Variants in TTYH3 observed in about 807,000 individuals in gnomAD.
TTYH3 encodes the protein protein tweety homolog 3.
In TTYH3, 23 loss-of-function variants were observed where a neutral mutation model predicts 68.2. That is an observed-to-expected ratio of 0.34 (90% CI 0.24 to 0.48). The LOEUF (loss-of-function observed/expected upper bound fraction) is 0.48, where lower values mean the gene tolerates loss of function less well. Among genes scored for constraint, TTYH3 ranks in the 20% least tolerant of loss-of-function variants. The probability of loss-of-function intolerance (pLI) is 0.99; values close to 1 mark genes in which losing one functional copy is unlikely to be tolerated. For synonymous variants in TTYH3, 360 were observed against 332.8 expected, an observed-to-expected ratio of 1.08 and a Z score of -0.89; for missense variants, 768 against 727.7, an observed-to-expected ratio of 1.06 and a Z score of -0.64.
intron 4 of TTYH3, 86 bp downstream of exon 4, chr7:2,647,724 A>C (rs998899710): frequency 1.5e-6 from 2 of 1,365,228 alleles, no homozygotes; most frequent in Admixed American, 2.1e-5. Context: ...CACCTAGTAC[A>C]TGAGGCCTGA....
chr7:2,647,459 C>T lies in TTYH3; in HGVS notation c.447C>T (p.Pro149=), dbSNP rs1431159639. 4 of 1,531,894 alleles carry T rather than the reference C, an allele frequency of 2.6e-6. No individual in the cohort carries two copies. The highest frequency in any genetic ancestry group is 3.5e-6 in the Non-Finnish European group (4 of 1,143,330). The allele number at this position is 1,531,894 out of a possible 1,614,324, so 94.9% of individuals were successfully genotyped here. The change falls in exon 4 of 14, where the codon CCC becomes CCT. Residue 149 remains proline (P), a synonymous_variant. Transcript: ENST00000258796. Reference sequence around the variant, plus strand: ...TGGGGCTGAACCACACGGCGGAGCCCAGCCTGCAGACCCTGGAGCGGCAGC... The same window carrying T: ...TGGGGCTGAACCACACGGCGGAGCCTAGCCTGCAGACCCTGGAGCGGCAGC... The part of the protein sequence containing the change: ...TAVGLNHTAE[P]SLQTLERQLA...
Position 2,632,142 on chromosome 7 carries a change from G to A in TTYH3, c.-14G>A, listed in dbSNP as rs1785538159. On this transcript the variant is annotated 5_prime_UTR_variant, in exon 1 of 14. Coordinates refer to ENST00000258796, the MANE Select transcript of TTYH3 (RefSeq NM_025250.3). ...GCGCAGGCCGCGCGCATCCGGAGGC[G>A]GCCGGGCCCCGCCATGGCCGGGGTC... 5 of 1,407,588 alleles carry A rather than the reference G, an allele frequency of 3.6e-6. No individual in the cohort carries two copies. The highest frequency in any genetic ancestry group is 4.7e-6 in the Non-Finnish European group (5 of 1,069,798). 87.2% of individuals were successfully genotyped at this position (1,407,588 alleles called of 1,614,324 possible). A position where few individuals can be genotyped will look rare whatever the true frequency, so the allele number is the denominator to read the frequency against.
Position 2,661,845 on chromosome 7 carries a change from C to A in TTYH3, c.*106C>A. ...CCGGACCCTCGCACGCCGTGCCAGG[C>A]CTGCCCCAGACGCGTCTGCAGGCCG... On this transcript the variant is annotated 3_prime_UTR_variant, in exon 14 of 14. Transcript: ENST00000258796. 7.9e-7 allele frequency: 1 copy of A among 1,271,040 alleles called. No homozygotes were observed. The highest frequency in any genetic ancestry group is 1.1e-6 in the Non-Finnish European group (1 of 908,448). The allele number at this position is 1,271,040 out of a possible 1,614,324, so 78.7% of individuals were successfully genotyped here. A position where few individuals can be genotyped will look rare whatever the true frequency, so the allele number is the denominator to read the frequency against.
intron 13 of TTYH3, chr7:2,659,807 C>T (rs1312988674): frequency 8.6e-7 from 1 of 1,167,726 alleles, no homozygotes; most frequent in Non-Finnish European, 1.1e-6. Flanking sequence ...AGGTGCAGGC[C>T]CAGTCCCGCT....
chr7:2,639,732 G>C (rs755492102), intron 1 of TTYH3, among the ~76,000 whole-genome samples: 1 of 152,188 alleles, frequency 6.6e-6, no homozygotes, highest in African/African-American at 2.4e-5. Flanking sequence ...GTCACATGCC[G>C]GCACCTCTGG....
At chr7:2,640,899 G>A (rs556321601) in intron 1 of TTYH3, among the ~76,000 whole-genome samples, 15 of 152,362 alleles carry the variant, frequency 9.8e-5, no homozygotes, top group African/African-American at 2.4e-4. Flanking sequence ...TGGGGGTCTC[G>A]CCTTACAAGT....
At position 2,658,385 on chromosome 7, in the gene TTYH3, C is replaced by T. The variant is rs1293246709; in HGVS notation, c.1350C>T (p.Gly450=). 1.2e-6 allele frequency: 2 copies of T among 1,611,980 alleles called. No homozygotes were observed. Among genetic ancestry groups the T allele is most frequent in the African/African-American group, 2.7e-5 (2 of 74,940 alleles). ...ACATGCCCAGCCTGTACAGCTGTGG[C>T]AGCAGCTACGGCAGTGAGACCAGCA... ...RVHMPSLYSC[G]SSYGSETSIP... The change falls in exon 12 of 14, where the codon GGC becomes GGT. Residue 450 remains glycine, a synonymous_variant. Transcript: ENST00000258796.
Position 2,646,985 on chromosome 7 carries a change from A to ACGGCCTGGTGTGTCAT in TTYH3, c.258_273dup (p.Ile92GlyfsTer27), listed in dbSNP as rs1471131303. On this transcript the variant is annotated frameshift_variant, in exon 2 of 14. Coordinates refer to ENST00000258796, the MANE Select transcript of TTYH3 (RefSeq NM_025250.3). LOFTEE classifies it high-confidence loss of function. ...GCACCTGGACGCCGACTGCTGCTGC[A>ACGGCCTGGTGTGTCAT]CGGCCTGGTGTGTCATCATCGCCAC... 6.3e-7 allele frequency: 1 copy of ACGGCCTGGTGTGTCAT among 1,589,546 alleles called. No individual in the cohort carries two copies. The highest frequency in any genetic ancestry group is 2.3e-5 in the East Asian group (1 of 44,196).
chr7:2,664,339 TG>T lies in TTYH3; in HGVS notation c.*2602del, dbSNP rs1221829861. 2 of 152,274 alleles carry T rather than the reference TG, an allele frequency of 1.3e-5. No individual in the cohort carries two copies. Among genetic ancestry groups the T allele is most frequent in the East Asian group, 1.9e-4 (1 of 5,298 alleles). 9.4% of individuals were successfully genotyped at this position (152,274 alleles called of 1,614,324 possible). On this transcript the variant is annotated 3_prime_UTR_variant, in exon 14 of 14. Coordinates refer to ENST00000258796, the MANE Select transcript of TTYH3 (RefSeq NM_025250.3). Reference sequence around the variant, plus strand: ...AGCTCTGCCCCAGCCCTGAGAGGGGTGGTGAGGCAGCCCCCTGGACCCCAGA... The same window carrying T: ...AGCTCTGCCCCAGCCCTGAGAGGGGTGTGAGGCAGCCCCCTGGACCCCAGA...
At chr7:2,656,918 G>A (rs373158793) in intron 11 of TTYH3, among the ~76,000 whole-genome samples, 2 of 152,258 alleles carry the variant, frequency 1.3e-5, no homozygotes, top group East Asian at 1.9e-4. Flanking sequence ...GCAGGTGCAC[G>A]ACGCTGTGGG....
chr7:2,655,479 A>C (rs1786307409), intron 9 of TTYH3, among the ~76,000 whole-genome samples: 1 of 152,210 alleles, frequency 6.6e-6, no homozygotes, highest in South Asian at 2.1e-4. Flanking sequence ...GTGGGTCCTT[A>C]GAAAACGTGC....
At position 2,663,717 on chromosome 7, in the gene TTYH3, A is replaced by G. The variant is rs978846538; in HGVS notation, c.*1978A>G. On this transcript the variant is annotated 3_prime_UTR_variant, in exon 14 of 14. Transcript: ENST00000258796. Reference sequence around the variant, plus strand: ...CCGCTCAGAAGCACAAATGCTGTCCATGGCCGTGAGGCTGCCTGCCAGGTG... The same window carrying G: ...CCGCTCAGAAGCACAAATGCTGTCCGTGGCCGTGAGGCTGCCTGCCAGGTG... The G allele has an allele frequency of 1.9e-4, 29 of 152,730 alleles. No individual in the cohort carries two copies. The highest frequency in any genetic ancestry group is 9.6e-5 in the African/African-American group (4 of 41,462). 9.5% of individuals were successfully genotyped at this position (152,730 alleles called of 1,614,324 possible).
At chr7:2,637,761 C>T (rs1785718830) in intron 1 of TTYH3, among the ~76,000 whole-genome samples, 1 of 152,256 alleles carries the variant, frequency 6.6e-6, no homozygotes, top group Non-Finnish European at 1.5e-5. Context: ...TGTACCCGGG[C>T]CTGCCGCTAT....
Position 2,663,797 on chromosome 7 carries a change from C to T in TTYH3, c.*2058C>T, listed in dbSNP as rs931254762. ...CAGGGCTTCCAGCCTCGTGCTGTCT[C>T]GGGACTCCTGACCGTGGTGTGCGTG... On this transcript the variant is annotated 3_prime_UTR_variant, in exon 14 of 14. Transcript: ENST00000258796. 1 of 152,674 alleles carries T rather than the reference C, an allele frequency of 6.5e-6. No homozygotes were observed. The highest frequency in any genetic ancestry group is 2.4e-5 in the African/African-American group (1 of 41,464). 9.5% of individuals were successfully genotyped at this position (152,674 alleles called of 1,614,324 possible). A position where few individuals can be genotyped will look rare whatever the true frequency, so the allele number is the denominator to read the frequency against.
intron 13 of TTYH3, chr7:2,659,941 G>T (rs761945356): frequency 1.5e-6 from 2 of 1,302,766 alleles, no homozygotes; most frequent in East Asian, 5.6e-5. Context: ...CCCTCCTAGC[G>T]CTATCTGGCT....
At position 2,649,945 on chromosome 7, in the gene TTYH3, C is replaced by T; in HGVS notation, c.828C>T (p.Ala276=). 6.2e-7 allele frequency: 1 copy of T among 1,614,018 alleles called. No homozygotes were observed. The highest frequency in any genetic ancestry group is 8.5e-7 in the Non-Finnish European group (1 of 1,179,964). Reference sequence around the variant, plus strand: ...GCGACTTCTGTGTGGACCCTGACGCCTACGTGACCAAAATGGTGGAGGAGT... The same window carrying T: ...GCGACTTCTGTGTGGACCCTGACGCTTACGTGACCAAAATGGTGGAGGAGT... ...GSSDFCVDPD[A]YVTKMVEEYS... is the part of the protein sequence containing the mutation. Residue 276 remains alanine (A), a synonymous_variant, in exon 7 of 14, where the codon GCC becomes GCT. Transcript: ENST00000258796.
intron 1 of TTYH3, 31 bp downstream of exon 1, chr7:2,632,309 AG>A: frequency 6.5e-7 from 1 of 1,529,000 alleles, no homozygotes; most frequent in Non-Finnish European, 8.8e-7. Flanking sequence ...TCGCGGGGTC[AG>A]GGACCCCAGG....
In TTYH3 at chr7:2,656,081, G is replaced by A. The variant is rs776111067; in HGVS notation, c.1021-11G>A. 10 of 1,533,216 alleles carry A rather than the reference G, an allele frequency of 6.5e-6. No individual in the cohort carries two copies. Among genetic ancestry groups the A allele is most frequent in the African/African-American group, 5.5e-5 (4 of 72,700 alleles). The allele number at this position is 1,533,216 out of a possible 1,614,324, so 95.0% of individuals were successfully genotyped here. A position where few individuals can be genotyped will look rare whatever the true frequency, so the allele number is the denominator to read the frequency against. On this transcript the variant is annotated splice_polypyrimidine_tract_variant and intron_variant, in intron 9 of 13. Transcript: ENST00000258796. ...ATGAAGTGCTGACCATCTGCGGTGC[G>A]TGCCCCCCAGGACCCCCTCCTCCGC...
Position 2,652,219 on chromosome 7 carries a change from C to G in TTYH3, c.904C>G (p.Arg302Gly), listed in dbSNP as rs754109257. ...GCAGTACTACCTGGCCTGCTCGCCC[C>G]GCGCCGCCAACCCCTTCCAGCAGGT... The part of the protein sequence containing the change: ...ILQYYLACSP[R>G]AANPFQQKLS... The change falls in exon 8 of 14, where the codon CGC becomes GGC. Residue 302 changes from arginine (R) to glycine (G), a missense_variant. Physicochemically the swap from Arg to Gly is moderately radical, Grantham distance 125. Transcript: ENST00000258796. 4 of 1,612,980 alleles carry G rather than the reference C, an allele frequency of 2.5e-6. No homozygotes were observed. Among genetic ancestry groups the G allele is most frequent in the African/African-American group, 2.7e-5 (2 of 75,058 alleles).
Sources: allele counts gnomAD v4.1 joint callset (sites outside exome capture counted in the v4.1 genomes callset), GRCh38; gene constraint gnomAD v4.1.1; transcripts MANE v1.5; gene names NCBI Gene and HGNC (gene_info 2026-07-23, HGNC 2026-07-21).